The following PRELID2 variants were observed in gnomAD, a reference collection of about 807,000 sequenced individuals.
PRELID2 encodes PRELI domain-containing protein 2.
In PRELID2, 25 loss-of-function variants were observed where a neutral mutation model predicts 28.4. The ratio of observed to expected loss-of-function variants is 0.88; its 90% CI spans 0.64 to 1.23. The LOEUF is 1.23. Among genes scored for constraint, PRELID2 ranks in the 50% most tolerant of loss-of-function variants. The probability of loss-of-function intolerance (pLI) is 0.00; values close to 1 mark genes in which losing one functional copy is unlikely to be tolerated. For missense variants in PRELID2, 201 were observed against 214.4 expected, an observed-to-expected ratio of 0.94 and a Z score of 0.39; for synonymous variants, 76 against 71.6, an observed-to-expected ratio of 1.06 and a Z score of -0.31.
At chr5:145,365,442 A>C in the PRELID2 span, among the ~76,000 whole-genome samples, 3 of 151,932 alleles carry the variant, frequency 2.0e-5, no homozygotes, top group African/African-American at 7.2e-5. Flanking sequence ...AATTTAATTT[A>C]ATCTATGTAA....
intron 1 of PRELID2, among the ~76,000 whole-genome samples, chr5:145,665,986 T>TA (rs79255272): frequency 0.04 from 5,557 of 138,170 alleles, 151 homozygotes; most frequent in East Asian, 0.092. Context: ...GTCTTTTTTT[T>TA]AAAAAAAAAA....
intron 4 of PRELID2, among the ~76,000 whole-genome samples, chr5:145,805,616 G>C (rs1023291482): frequency 6.6e-6 from 1 of 152,074 alleles, no homozygotes; most frequent in Non-Finnish European, 1.5e-5. Flanking sequence ...GGAAAAGGAG[G>C]ATGAAAAACA....
At chr5:145,748,968 A>G (rs1757062052) in intron 1 of PRELID2, among the ~76,000 whole-genome samples, 1 of 152,210 alleles carries the variant, frequency 6.6e-6, no homozygotes, top group South Asian at 2.1e-4. Flanking sequence ...TTATACAAAA[A>G]TTAACTCAAG....
the PRELID2 span, among the ~76,000 whole-genome samples, chr5:145,321,007 A>T: frequency 1.3e-5 from 2 of 152,182 alleles, no homozygotes; most frequent in African/African-American, 2.4e-5. Context: ...ACCCCATTTT[A>T]CATATGCAAA....
intron 1 of PRELID2, among the ~76,000 whole-genome samples, chr5:145,720,694 T>C (rs1166253827): frequency 2.0e-5 from 3 of 151,932 alleles, no homozygotes; most frequent in Admixed American, 2.0e-4. Flanking sequence ...TTAATACATA[T>C]AATTTTAGAT....
At chr5:145,799,813 C>A (rs1033893645) in intron 4 of PRELID2, among the ~76,000 whole-genome samples, 1 of 152,104 alleles carries the variant, frequency 6.6e-6, no homozygotes, top group Non-Finnish European at 1.5e-5. Context: ...CTTCTGAGGA[C>A]ACCAAGTACT....
the PRELID2 span, among the ~76,000 whole-genome samples, chr5:145,261,409 A>G: frequency 6.6e-6 from 1 of 152,072 alleles, no homozygotes; most frequent in Non-Finnish European, 1.5e-5. Context: ...ACAACCAAGG[A>G]CCCTCACAGA....
At chr5:145,403,859 A>G in the PRELID2 span, among the ~76,000 whole-genome samples, 1 of 152,208 alleles carries the variant, frequency 6.6e-6, no homozygotes, top group Non-Finnish European at 1.5e-5. Context: ...CTCACCCTGA[A>G]GAGAAACTCC....
the PRELID2 span, among the ~76,000 whole-genome samples, chr5:145,295,599 A>C: frequency 3.9e-5 from 6 of 152,164 alleles, no homozygotes; most frequent in Non-Finnish European, 8.8e-5. Context: ...ATAGAAATAA[A>C]TGATTGAATC....
chr5:145,265,865 A>G, the PRELID2 span, among the ~76,000 whole-genome samples: 1 of 152,226 alleles, frequency 6.6e-6, no homozygotes, highest in East Asian at 1.9e-4. Context: ...ATTCTAGAAG[A>G]TAACATTGCA....
At chr5:145,628,127 T>C (rs1450872322) in intron 1 of PRELID2, among the ~76,000 whole-genome samples, 1 of 152,146 alleles carries the variant, frequency 6.6e-6, no homozygotes, top group African/African-American at 2.4e-5. Flanking sequence ...AACTGTCTAA[T>C]TGCCCAAAAT....
the PRELID2 span, among the ~76,000 whole-genome samples, chr5:145,456,829 G>C: frequency 6.6e-6 from 1 of 152,092 alleles, no homozygotes; most frequent in African/African-American, 2.4e-5. Context: ...TTTACTTCGA[G>C]TTATGAGCTC....
chr5:145,803,662 T>A (rs539125471), intron 4 of PRELID2, among the ~76,000 whole-genome samples: 1 of 150,062 alleles, frequency 6.7e-6, no homozygotes, highest in East Asian at 1.9e-4. Context: ...CCAACAAATG[T>A]GAGTAAACAG....
chr5:145,474,408 G>T (rs1037094896), intron 1 of PRELID2, among the ~76,000 whole-genome samples: 2 of 152,152 alleles, frequency 1.3e-5, no homozygotes, highest in African/African-American at 4.8e-5. Flanking sequence ...TCTTTTCCAT[G>T]GAAATATTAT....
At chr5:145,737,905 C>T (rs191407768) in intron 1 of PRELID2, among the ~76,000 whole-genome samples, 1 of 152,290 alleles carries the variant, frequency 6.6e-6, no homozygotes, top group East Asian at 1.9e-4. Flanking sequence ...TGGACTTACA[C>T]CCCACCTGGC....
the PRELID2 span, among the ~76,000 whole-genome samples, chr5:145,438,329 A>G: frequency 7.9e-5 from 12 of 152,232 alleles, no homozygotes; most frequent in East Asian, 2.3e-3. Flanking sequence ...TTATCAAGCA[A>G]AACTCTGTTT....
At chr5:145,591,316 G>A (rs1753223809) in intron 1 of PRELID2, among the ~76,000 whole-genome samples, 1 of 151,486 alleles carries the variant, frequency 6.6e-6, no homozygotes, top group Non-Finnish European at 1.5e-5. Context: ...AAAAAATTGA[G>A]ACCCACATTG....
At chr5:145,331,142 TTTG>T in the PRELID2 span, among the ~76,000 whole-genome samples, 1 of 152,120 alleles carries the variant, frequency 6.6e-6, no homozygotes, top group Non-Finnish European at 1.5e-5. Flanking sequence ...TGAGAGACTG[TTTG>T]TTATGATTTC....
At chr5:145,363,797 G>A in the PRELID2 span, among the ~76,000 whole-genome samples, 1 of 151,974 alleles carries the variant, frequency 6.6e-6, no homozygotes, top group Non-Finnish European at 1.5e-5. Flanking sequence ...TTGGTATTCT[G>A]AAAGGAGTTA....
Sources: allele counts gnomAD v4.1 joint callset (sites outside exome capture counted in the v4.1 genomes callset), GRCh38; gene constraint gnomAD v4.1.1; transcripts MANE v1.5; gene names NCBI Gene and HGNC (gene_info 2026-07-23, HGNC 2026-07-21).